The following FRMPD1 variants were observed in gnomAD, a reference collection of about 807,000 sequenced individuals.
FRMPD1 encodes the protein FERM and PDZ domain containing 1.
In FRMPD1, 76 loss-of-function variants were observed where a neutral mutation model predicts 117.8. The observed-to-expected ratio is 0.65, with a 90% confidence interval of 0.54 to 0.78. FRMPD1 has a LOEUF of 0.78. FRMPD1 is among the 30% of genes least tolerant of loss of function. The pLI is 0.00. For missense variants in FRMPD1, 1,786 were observed against 1,964.5 expected, an observed-to-expected ratio of 0.91 and a Z score of 1.72; for synonymous variants, 783 against 770.4, an observed-to-expected ratio of 1.02 and a Z score of -0.27.
chr9:37,687,075 G>T (rs905123243), intron 1 of FRMPD1, among the ~76,000 whole-genome samples: 2 of 152,124 alleles, frequency 1.3e-5, no homozygotes, highest in South Asian at 2.1e-4. Context: ...CGTCATCCTC[G>T]TGTCCCTTCT....
the FRMPD1 span, among the ~76,000 whole-genome samples, chr9:37,606,862 T>C: frequency 4.0e-4 from 61 of 152,108 alleles, no homozygotes; most frequent in Admixed American, 6.5e-4. Flanking sequence ...CAGGGAACCA[T>C]AGATGTAAGG....
At chr9:37,631,549 G>T in the FRMPD1 span, among the ~76,000 whole-genome samples, 1 of 152,304 alleles carries the variant, frequency 6.6e-6, no homozygotes, top group African/African-American at 2.4e-5. Context: ...TCTTGATATT[G>T]GAGTCACTGA....
At chr9:37,710,417 T>C (rs1185693855) in intron 4 of FRMPD1, among the ~76,000 whole-genome samples, 1 of 152,130 alleles carries the variant, frequency 6.6e-6, no homozygotes, top group Non-Finnish European at 1.5e-5. Context: ...TAATATAAAG[T>C]AGAGGTCAAG....
the FRMPD1 span, among the ~76,000 whole-genome samples, chr9:37,613,133 A>G: frequency 5.3e-4 from 80 of 152,334 alleles, no homozygotes; most frequent in African/African-American, 1.8e-3. Flanking sequence ...TGTGCAGGAC[A>G]TTGTCCTAAG....
At chr9:37,736,804 A>G (rs890741080) in intron 13 of FRMPD1, among the ~76,000 whole-genome samples, 3 of 151,876 alleles carry the variant, frequency 2.0e-5, no homozygotes, top group Admixed American at 2.0e-4. Context: ...AAGACACTGT[A>G]TAGATTGGGT....
intron 1 of FRMPD1, among the ~76,000 whole-genome samples, chr9:37,682,672 C>A (rs549252811): frequency 1.3e-5 from 2 of 152,228 alleles, no homozygotes; most frequent in Non-Finnish European, 2.9e-5. Flanking sequence ...ACCTCCTGAA[C>A]CAGAAACTCT....
At chr9:37,670,724 T>G (rs1199530429) in intron 1 of FRMPD1, among the ~76,000 whole-genome samples, 1 of 152,242 alleles carries the variant, frequency 6.6e-6, no homozygotes, top group Non-Finnish European at 1.5e-5. Flanking sequence ...AAGCTGTGCT[T>G]TCAGTAAAGT....
rs10973463 is a variant in FRMPD1 at position 37,659,368 on chromosome 9, C to T, written c.-5+8274C>T. Among the ~76,000 whole-genome samples, 653 of 152,288 alleles carry T rather than the reference C, an allele frequency of 4.3e-3. 27 individuals carry two copies. In the East Asian group the frequency reaches 0.084, roughly 20 times the overall value. ...GCTCTGAAGGGTGCCGGGGCTGTTCCTATCACTCCTGTTGTACAGATGTGG... is the reference window on the plus strand; with the variant it reads ...GCTCTGAAGGGTGCCGGGGCTGTTCTTATCACTCCTGTTGTACAGATGTGG... On this transcript the variant is annotated intron_variant, in intron 1 of 15. Transcript: ENST00000377765.
At chr9:37,686,848 A>G (rs990446128) in intron 1 of FRMPD1, among the ~76,000 whole-genome samples, 4 of 152,224 alleles carry the variant, frequency 2.6e-5, no homozygotes, top group African/African-American at 4.8e-5. Flanking sequence ...TGTGGAAACT[A>G]TAAGAATGTA....
At chr9:37,623,690 A>C in the FRMPD1 span, among the ~76,000 whole-genome samples, 1 of 152,136 alleles carries the variant, frequency 6.6e-6, no homozygotes, top group Non-Finnish European at 1.5e-5. Flanking sequence ...AAATGATATG[A>C]TTAGAATTGT....
intron 1 of FRMPD1, among the ~76,000 whole-genome samples, chr9:37,661,492 T>G (rs1245268818): frequency 6.6e-6 from 1 of 152,220 alleles, no homozygotes; most frequent in Non-Finnish European, 1.5e-5. Context: ...AGAAGAGAGA[T>G]AAGACTGGTT....
At chr9:37,725,613 C>T (rs1823587109) in intron 7 of FRMPD1, among the ~76,000 whole-genome samples, 1 of 152,174 alleles carries the variant, frequency 6.6e-6, no homozygotes, top group Non-Finnish European at 1.5e-5. Context: ...GCTTTCTGAA[C>T]CTGGGGAACT....
chr9:37,623,870 T>G, the FRMPD1 span, among the ~76,000 whole-genome samples: 1 of 151,208 alleles, frequency 6.6e-6, no homozygotes, highest in African/African-American at 2.5e-5. Flanking sequence ...CATTAATTAT[T>G]AAAAGGAAAA....
At chr9:37,664,971 A>T (rs1212461999) in intron 1 of FRMPD1, among the ~76,000 whole-genome samples, 3 of 152,222 alleles carry the variant, frequency 2.0e-5, no homozygotes, top group African/African-American at 7.2e-5. Flanking sequence ...CTAAGAGAAT[A>T]ATTACAGATG....
At position 37,746,177 on chromosome 9, in the gene FRMPD1, C is replaced by T. The variant is rs1192728222; in HGVS notation, c.4145C>T (p.Pro1382Leu). 1 of 1,613,520 alleles carries T rather than the reference C, an allele frequency of 6.2e-7. No homozygotes were observed. Among genetic ancestry groups the T allele is most frequent in the Non-Finnish European group, 8.5e-7 (1 of 1,179,936 alleles). ...AGSPVVLPWRPARAHSCTTAP... is the reference protein window; with the variant it reads ...AGSPVVLPWRLARAHSCTTAP... ...AGCCCGGTGGTTCTGCCCTGGAGGC[C>T]TGCCCGAGCCCACAGCTGCACCACC... The change falls in exon 16 of 16, where the codon CCT becomes CTT. Residue 1382 changes from proline (P) to leucine (L), a missense_variant. Coordinates refer to ENST00000377765, the MANE Select transcript of FRMPD1 (RefSeq NM_014907.3).
At chr9:37,737,057 G>T in intron 13 of FRMPD1, 39 bp from the exon 14 acceptor site, 2 of 1,561,190 alleles carry the variant, frequency 1.3e-6, no homozygotes, top group Non-Finnish European at 1.8e-6. Context: ...ACTGTCCCTT[G>T]GTCCTTGATA....
chr9:37,708,931 G>A (rs980246744), intron 4 of FRMPD1, among the ~76,000 whole-genome samples: 9 of 152,088 alleles, frequency 5.9e-5, no homozygotes, highest in Non-Finnish European at 4.4e-5. Context: ...ATAATTGCAG[G>A]TGCATCTTGG....
intron 5 of FRMPD1, among the ~76,000 whole-genome samples, chr9:37,717,378 T>C (rs1563946634): frequency 8.5e-6 from 1 of 116,990 alleles, no homozygotes. Context: ...TGTATATATA[T>C]ATATTTTTTT....
chr9:37,710,047 C>T (rs925015608), intron 4 of FRMPD1, among the ~76,000 whole-genome samples: 4 of 152,138 alleles, frequency 2.6e-5, no homozygotes, highest in African/African-American at 4.8e-5. Context: ...TTCAGTGTCA[C>T]GTGTAAAAGG....
Sources: gnomAD v4.1 joint callset for allele counts (sites outside exome capture counted in the v4.1 genomes callset) on GRCh38, gnomAD v4.1.1 for gene constraint, MANE v1.5 for transcripts, NCBI Gene and HGNC (gene_info 2026-07-23, HGNC 2026-07-21) for gene names.